The following PSD3 variants were observed in gnomAD, a reference collection of about 807,000 sequenced individuals.
PSD3 encodes pleckstrin and Sec7 domain containing 3.
In PSD3, 49 loss-of-function variants were observed where a neutral mutation model predicts 105.5. The observed-to-expected ratio is 0.46, with a 90% CI of 0.37 to 0.59. PSD3 has a LOEUF of 0.59. Among genes scored for constraint, PSD3 ranks in the 20% least tolerant of loss-of-function variants. The pLI is 0.00. For missense variants in PSD3, 1,561 were observed against 1,263.8 expected (o/e 1.24, Z -3.57); for synonymous variants, 557 against 457.8 (o/e 1.22, Z -2.77).
intron 1 of PSD3, among the ~76,000 whole-genome samples, chr8:19,072,776 G>A (rs982190043): frequency 6.6e-6 from 1 of 152,166 alleles, no homozygotes; most frequent in East Asian, 1.9e-4. Flanking sequence ...TGCATATTCT[G>A]TGCTAGGCTC....
At chr8:18,953,430 G>A (rs1397138175) in intron 1 of PSD3, among the ~76,000 whole-genome samples, 2 of 152,172 alleles carry the variant, frequency 1.3e-5, no homozygotes, top group Non-Finnish European at 2.9e-5. Context: ...GCAAAAGCTA[G>A]AAACAATCTG....
chr8:18,935,653 G>A (rs2059648), intron 2 of PSD3, among the ~76,000 whole-genome samples: 24,913 of 150,250 alleles, frequency 0.17, 2,520 homozygotes, highest in South Asian at 0.33. Flanking sequence ...CTAGGATGAT[G>A]CCACTGCATG....
chr8:18,913,123 A>ACT (rs1447828077), intron 2 of PSD3, among the ~76,000 whole-genome samples: 12 of 127,366 alleles, frequency 9.4e-5, no homozygotes, highest in African/African-American at 2.2e-4. Context: ...ACACACACAC[A>ACT]CTCTCCTTCT....
At chr8:18,710,241 C>A (rs959530772) in intron 9 of PSD3, among the ~76,000 whole-genome samples, 1 of 152,044 alleles carries the variant, frequency 6.6e-6, no homozygotes, top group African/African-American at 2.4e-5. Context: ...AGGAGAGAAT[C>A]TCAGAGGTGA....
chr8:19,062,578 C>G (rs1027805), intron 1 of PSD3, among the ~76,000 whole-genome samples: 1 of 152,010 alleles, frequency 6.6e-6, no homozygotes, highest in Non-Finnish European at 1.5e-5. Context: ...CTACTTAAAT[C>G]ATTTAAAAAA....
chr8:18,602,083 G>C (rs1194763178), intron 11 of PSD3, among the ~76,000 whole-genome samples: 1 of 152,184 alleles, frequency 6.6e-6, no homozygotes, highest in Non-Finnish European at 1.5e-5. Flanking sequence ...TGCTGGAATG[G>C]AACCTGGAGA....
chr8:18,721,907 G>A (rs1803000602), intron 9 of PSD3, among the ~76,000 whole-genome samples: 3 of 152,092 alleles, frequency 2.0e-5, no homozygotes, highest in African/African-American at 7.2e-5. Flanking sequence ...CACACATATT[G>A]TTCCCACTGA....
intron 9 of PSD3, among the ~76,000 whole-genome samples, chr8:18,750,468 C>T (rs1805382869): frequency 6.6e-6 from 1 of 152,106 alleles, no homozygotes; most frequent in South Asian, 2.1e-4. Context: ...AGCTGCAGAT[C>T]TTCGCGGTGA....
chr8:18,583,758 T>C (rs1285406318), intron 12 of PSD3, among the ~76,000 whole-genome samples: 2 of 152,216 alleles, frequency 1.3e-5, no homozygotes, highest in Admixed American at 1.3e-4. Context: ...CCCTCCTCTC[T>C]TTGTAGCATT....
chr8:18,543,057 C>T (rs1800239762), intron 15 of PSD3, among the ~76,000 whole-genome samples: 1 of 152,132 alleles, frequency 6.6e-6, no homozygotes, highest in African/African-American at 2.4e-5. Flanking sequence ...CCAAATACAA[C>T]TGCAATGGCA....
chr8:19,010,814 A>C (rs1358335421), intron 1 of PSD3, among the ~76,000 whole-genome samples: 1 of 152,062 alleles, frequency 6.6e-6, no homozygotes, highest in African/African-American at 2.4e-5. Flanking sequence ...TTTAACTGTA[A>C]AAGAACTAGG....
intron 15 of PSD3, among the ~76,000 whole-genome samples, chr8:18,541,157 GAAAAA>G (rs5889803): frequency 1.1e-4 from 15 of 139,486 alleles, no homozygotes; most frequent in African/African-American, 2.8e-5. Context: ...TATTTTACTT[GAAAAA>G]AAAAAAAAAA....
At chr8:18,937,979 A>C (rs1794620096) in intron 1 of PSD3, among the ~76,000 whole-genome samples, 1 of 152,176 alleles carries the variant, frequency 6.6e-6, no homozygotes, top group African/African-American at 2.4e-5. Flanking sequence ...GAGAAAGCCA[A>C]AGTGGCCACA....
At chr8:18,878,785 T>C (rs1191050093) in intron 2 of PSD3, among the ~76,000 whole-genome samples, 4 of 152,166 alleles carry the variant, frequency 2.6e-5, no homozygotes, top group South Asian at 2.1e-4. Context: ...GTATATATAG[T>C]GTAAATATAC....
At chr8:18,588,324 G>A (rs1233361200) in intron 12 of PSD3, among the ~76,000 whole-genome samples, 2 of 152,156 alleles carry the variant, frequency 1.3e-5, no homozygotes, top group African/African-American at 4.8e-5. Flanking sequence ...GAACTATGAA[G>A]TTTAAGCTTC....
chr8:18,842,529 C>G lies in PSD3; in HGVS notation c.1634+25145G>C, dbSNP rs541480056. Among the ~76,000 whole-genome samples the G allele has an allele frequency of 9.0e-4, 137 of 152,154 alleles. 2 individuals are homozygous for G. Among genetic ancestry groups the G allele is most frequent in the African/African-American group, 3.0e-3 (126 of 41,516 alleles). On this transcript the variant is annotated intron_variant, in intron 4 of 15. Coordinates refer to ENST00000327040, the MANE Select transcript of PSD3 (RefSeq NM_015310.4). ...CGGGCGGATCACAAGGTCAGGAGAT[C>G]GAGACCATCCTGGCTAACACGGTGA...
intron 9 of PSD3, among the ~76,000 whole-genome samples, chr8:18,747,904 G>C (rs947870820): frequency 6.6e-6 from 1 of 152,128 alleles, no homozygotes; most frequent in Non-Finnish European, 1.5e-5. Context: ...GGTTTCGGTG[G>C]AAGGTGGGAA....
chr8:18,670,422 C>T (rs1200214150), intron 9 of PSD3, among the ~76,000 whole-genome samples: 3 of 152,060 alleles, frequency 2.0e-5, no homozygotes, highest in African/African-American at 7.2e-5. Flanking sequence ...AGGGTGGCTC[C>T]GCTTCTGTGT....
At chr8:18,583,576 G>T (rs1291788011) in intron 12 of PSD3, among the ~76,000 whole-genome samples, 1 of 152,088 alleles carries the variant, frequency 6.6e-6, no homozygotes, top group South Asian at 2.1e-4. Context: ...CCCCAAACAC[G>T]CTGTATCACA....
Sources: gnomAD v4.1 joint callset for allele counts (sites outside exome capture counted in the v4.1 genomes callset) on GRCh38, gnomAD v4.1.1 for gene constraint, MANE v1.5 for transcripts, NCBI Gene and HGNC (gene_info 2026-07-23, HGNC 2026-07-21) for gene names.